LOX: variants seen among roughly 807,000 people sequenced by gnomAD.
LOX encodes the protein protein-lysine 6-oxidase.
In LOX, 12 loss-of-function variants were observed where a neutral mutation model predicts 50.5. The observed-to-expected ratio is 0.24, with a 90% CI of 0.15 to 0.38. The LOEUF is 0.38. LOX is among the 10% of genes least tolerant of loss of function. The probability of loss-of-function intolerance (pLI) is 1.00; values close to 1 mark genes in which losing one functional copy is unlikely to be tolerated. For missense variants in LOX, 504 were observed against 563.8 expected (o/e 0.89, Z 1.07); for synonymous variants, 254 against 230.6 (o/e 1.10, Z -0.92).
intron 2 of LOX, 54 bp from the exon 3 acceptor site, chr5:122,075,595 C>CA: frequency 9.1e-6 from 11 of 1,207,192 alleles, no homozygotes; most frequent in Non-Finnish European, 1.3e-5. Flanking sequence ...TAACTAAAGA[C>CA]AAAACTACAA....
intron 2 of LOX, chr5:122,076,074 T>C (rs1432076685): frequency 1.3e-5 from 2 of 152,174 alleles, no homozygotes; most frequent in Non-Finnish European, 2.9e-5. Context: ...GGCAGTACTG[T>C]AAAAACATCA....
rs1234612976 is a variant in LOX, at chr5:122,064,622, T to C, written c.*2121A>G. 6.6e-6 allele frequency: 1 copy of C among 151,960 alleles called. No homozygotes were observed. Among genetic ancestry groups the C allele is most frequent in the Non-Finnish European group, 1.5e-5 (1 of 67,910 alleles). 9.4% of individuals were successfully genotyped at this position (151,960 alleles called of 1,614,324 possible). ...AAAACAATAGTGCTTAAAATTGAAA[T>C]TTCATAGACATGTAATTTTATTCCC... On this transcript the variant is annotated 3_prime_UTR_variant, in exon 7 of 7. Coordinates refer to ENST00000231004, the MANE Select transcript of LOX (RefSeq NM_002317.7).
intron 4 of LOX, 57 bp downstream of exon 4, chr5:122,073,956 T>C: frequency 6.6e-7 from 1 of 1,506,218 alleles, no homozygotes; most frequent in Admixed American, 1.7e-5. Flanking sequence ...TAACTAACGG[T>C]AGATGACCCG....
intron 6 of LOX, 137 bp downstream of exon 6, chr5:122,069,916 C>A (rs1754401607): frequency 5.4e-6 from 4 of 746,252 alleles, no homozygotes; most frequent in South Asian, 2.8e-5. Flanking sequence ...AATCAGACTG[C>A]ATACCATTTT....
Position 122,068,670 on chromosome 5 carries a change from T to C in LOX, c.1247+1383A>G, listed in dbSNP as rs1206982893. 2.6e-5 allele frequency among the ~76,000 whole-genome samples: 4 copies of C among 152,108 alleles called. No homozygotes were observed. In the East Asian group the frequency reaches 5.8e-4, roughly 22 times the overall value. Reference sequence around the variant, plus strand: ...CACTGAGTAGAGCAGGAGACAGACATTAAACAAAGAAATTCATAAGTAATT... The same window carrying C: ...CACTGAGTAGAGCAGGAGACAGACACTAAACAAAGAAATTCATAAGTAATT... On this transcript the variant is annotated intron_variant, in intron 6 of 6. Coordinates refer to ENST00000231004, the MANE Select transcript of LOX (RefSeq NM_002317.7).
intron 6 of LOX, among the ~76,000 whole-genome samples, chr5:122,068,174 TAAAA>T (rs10650287): frequency 8.6e-6 from 1 of 115,910 alleles, no homozygotes; most frequent in African/African-American, 3.4e-5. Flanking sequence ...TAATAACTAG[TAAAA>T]AAAAAAAAAA....
intron 4 of LOX, among the ~76,000 whole-genome samples, chr5:122,071,281 A>G (rs1754444682): frequency 6.6e-6 from 1 of 152,022 alleles, no homozygotes. Context: ...TAGATGAGAA[A>G]ACTAAGGCAC....
chr5:122,077,339 A>C lies in LOX; in HGVS notation c.631+16T>G, dbSNP rs1392167616. 24 of 1,613,386 alleles carry C rather than the reference A, an allele frequency of 1.5e-5. No homozygotes were observed. The highest frequency in any genetic ancestry group is 2.0e-5 in the Non-Finnish European group (24 of 1,179,936). ...CCAGGTGCACGGGTGCTTCCAGCGG[A>C]CTTGGGGGTACTTACCGTACTGGAA... On this transcript the variant is annotated intron_variant, in intron 1 of 6. Coordinates refer to ENST00000231004, the MANE Select transcript of LOX (RefSeq NM_002317.7). The surrounding 1 kb of genome is among the most constrained non-coding windows in gnomAD (Gnocchi z 4.9).
Position 122,077,750 on chromosome 5 carries a change from G to A in LOX, c.236C>T (p.Ala79Val). 1.9e-6 allele frequency: 3 copies of A among 1,563,542 alleles called. No individual in the cohort carries two copies. The highest frequency in any genetic ancestry group is 2.6e-6 in the Non-Finnish European group (3 of 1,159,322). ...RRDPGAAVPGAANASAQQPRT... is the reference protein window; with the variant it reads ...RRDPGAAVPGVANASAQQPRT... ...GGGCTGCTGGGCGGAGGCGTTGGCT[G>A]CACCAGGGACGGCGGCGCCCGGGTC... Residue 79 changes from alanine to valine, a missense_variant, in exon 1 of 7, where the codon GCA becomes GTA. Ala to Val is a moderately conservative substitution (Grantham distance 64). This residue lies in a region of LOX where 398 missense variants were observed against 365.8 expected (regional missense o/e 1.09). Transcript: ENST00000231004. This position sits in a 1 kb window ranked among gnomAD's most constrained non-coding sequence, Gnocchi z 4.9.
rs1327501774 is a variant in LOX, at chr5:122,066,207, T to C, written c.*536A>G. On this transcript the variant is annotated 3_prime_UTR_variant, in exon 7 of 7. Coordinates refer to ENST00000231004, the MANE Select transcript of LOX (RefSeq NM_002317.7). ...CATGTATTGCCATTTCTCTGCTATA[T>C]AGTAATATTTCTTGACACCAATGGT... is the stretch of plus-strand genomic sequence containing the variant. 6.6e-6 allele frequency: 1 copy of C among 152,240 alleles called. No homozygotes were observed. Among genetic ancestry groups the C allele is most frequent in the African/African-American group, 2.4e-5 (1 of 41,440 alleles). The allele number at this position is 152,240 out of a possible 1,614,324, so 9.4% of individuals were successfully genotyped here.
chr5:122,076,798 C>T, intron 2 of LOX, 95 bp downstream of exon 2: 1 of 1,071,888 alleles, frequency 9.3e-7, no homozygotes, highest in Non-Finnish European at 1.4e-6. Context: ...CTTCCTAACA[C>T]TTGTCTGCGC....
Position 122,077,205 on chromosome 5 carries a change from A to T in LOX, c.631+150T>A. 2 of 1,478,902 alleles carry T rather than the reference A, an allele frequency of 1.4e-6. No homozygotes were observed. The highest frequency in any genetic ancestry group is 1.8e-6 in the Non-Finnish European group (2 of 1,118,544). 91.6% of individuals were successfully genotyped at this position (1,478,902 alleles called of 1,614,324 possible). A position where few individuals can be genotyped will look rare whatever the true frequency, so the allele number is the denominator to read the frequency against. On this transcript the variant is annotated intron_variant, in intron 1 of 6. Coordinates refer to ENST00000231004, the MANE Select transcript of LOX (RefSeq NM_002317.7). The surrounding 1 kb of genome is among the most constrained non-coding windows in gnomAD (Gnocchi z 4.9). ...AGGAGGGGCCAGACGCGCGGTTTGC[A>T]CTGGATTCCAGGGCTGCCACTGCAG...
rs1754384365 is a variant in LOX at position 122,069,171 on chromosome 5, C to A, written c.1247+882G>T. 2.6e-5 allele frequency among the ~76,000 whole-genome samples: 4 copies of A among 152,066 alleles called. No individual in the cohort carries two copies. In the South Asian group the frequency reaches 8.3e-4, roughly 32 times the overall value. On this transcript the variant is annotated intron_variant, in intron 6 of 6. Coordinates refer to ENST00000231004, the MANE Select transcript of LOX (RefSeq NM_002317.7). ...GGGTTTTTGTATCAGGCAGAAATTT[C>A]TATTAATTATGAGATTCTAGTATAG... is the stretch of plus-strand genomic sequence containing the variant.
At chr5:122,069,020 T>G (rs1435037895) in intron 6 of LOX, among the ~76,000 whole-genome samples, 4 of 152,136 alleles carry the variant, frequency 2.6e-5, no homozygotes, top group Non-Finnish European at 5.9e-5. Flanking sequence ...TGTGGGCATG[T>G]TCAGAAGAAT....
rs1280459008 is a variant in LOX at position 122,078,130 on chromosome 5, C to T, written c.-145G>A. 4.3e-6 allele frequency: 3 copies of T among 702,154 alleles called. No individual in the cohort carries two copies. In the African/African-American group the frequency reaches 5.7e-5, roughly 13 times the overall value. 43.5% of individuals were successfully genotyped at this position (702,154 alleles called of 1,614,324 possible). A position where few individuals can be genotyped will look rare whatever the true frequency, so the allele number is the denominator to read the frequency against. ...GTATCTCAGTCTCCACCAAGCAATGCCAAGGGTGGGATTCAGACCCTTCCC... is the reference window on the plus strand; with the variant it reads ...GTATCTCAGTCTCCACCAAGCAATGTCAAGGGTGGGATTCAGACCCTTCCC... On this transcript the variant is annotated 5_prime_UTR_variant, in exon 1 of 7. Coordinates refer to ENST00000231004, the MANE Select transcript of LOX (RefSeq NM_002317.7).
rs749354594 is a variant in LOX at position 122,066,629 on chromosome 5, T to G, written c.*114A>C. On this transcript the variant is annotated 3_prime_UTR_variant, in exon 7 of 7. Coordinates refer to ENST00000231004, the MANE Select transcript of LOX (RefSeq NM_002317.7). ...AAAACAGTCCAAACAAAAATTCTTT[T>G]GTTGTTTTCTGTTCTCTTTTTCAAA... 7.0e-6 allele frequency: 6 copies of G among 852,840 alleles called. No homozygotes were observed. In the Middle Eastern group the frequency reaches 1.2e-3, roughly 168 times the overall value. The allele number at this position is 852,840 out of a possible 1,614,324, so 52.8% of individuals were successfully genotyped here.
Position 122,065,621 on chromosome 5 carries a change from ATG to A in LOX, c.*1120_*1121del, listed in dbSNP as rs1754277671. 1 of 152,002 alleles carries A rather than the reference ATG, an allele frequency of 6.6e-6. No homozygotes were observed. Among genetic ancestry groups the A allele is most frequent in the Non-Finnish European group, 1.5e-5 (1 of 67,958 alleles). The allele number at this position is 152,002 out of a possible 1,614,324, so 9.4% of individuals were successfully genotyped here. ...TAGACTATATCTCAGACACACACAC[ATG>A]TGTGACTGATTCCTGAATAACCCAG... On this transcript the variant is annotated 3_prime_UTR_variant, in exon 7 of 7. Coordinates refer to ENST00000231004, the MANE Select transcript of LOX (RefSeq NM_002317.7).
chr5:122,075,559 G>A lies in LOX; in HGVS notation c.741-18C>T. ...ATGCTGTACTGTGATTTTGAAAAAAGAAAAATTATTATATTCATGGAATAT... is the reference window on the plus strand; with the variant it reads ...ATGCTGTACTGTGATTTTGAAAAAAAAAAAATTATTATATTCATGGAATAT... On this transcript the variant is annotated intron_variant, in intron 2 of 6. Transcript: ENST00000231004. 6.6e-7 allele frequency: 1 copy of A among 1,516,724 alleles called. No individual in the cohort carries two copies. The highest frequency in any genetic ancestry group is 1.4e-5 in the African/African-American group (1 of 71,528). 94.0% of individuals were successfully genotyped at this position (1,516,724 alleles called of 1,614,324 possible).
intron 4 of LOX, among the ~76,000 whole-genome samples, chr5:122,072,070 A>G (rs1039611536): frequency 6.6e-6 from 1 of 152,252 alleles, no homozygotes. Flanking sequence ...CATATAATAC[A>G]TACTCAATAA....
Sources: allele counts gnomAD v4.1 joint callset (sites outside exome capture counted in the v4.1 genomes callset), GRCh38; gene constraint gnomAD v4.1.1; regional missense constraint gnomAD v4.1.1; non-coding constraint Gnocchi (gnomAD v3.1); transcripts MANE v1.5; gene names NCBI Gene and HGNC (gene_info 2026-07-23, HGNC 2026-07-21).